ADAP2: variants seen among roughly 807,000 people sequenced by gnomAD.
ADAP2 encodes the protein ArfGAP with dual PH domains 2.
In ADAP2, 42 loss-of-function variants were observed where a neutral mutation model predicts 54.9. The observed-to-expected ratio is 0.77, with a 90% CI of 0.60 to 0.99. The LOEUF (loss-of-function observed/expected upper bound fraction) is 0.99, where lower values mean the gene tolerates loss of function less well. Ranked by LOEUF, ADAP2 falls within the 50% of genes least tolerant of loss-of-function variation. The pLI is 0.00. For synonymous variants in ADAP2, 177 were observed against 180.1 expected (o/e 0.98, Z 0.14); for missense variants, 429 against 480.4 (o/e 0.89, Z 1.00).
intron 2 of ADAP2, 33 bp from the exon 3 acceptor site, chr17:30,926,794 C>G: frequency 6.3e-7 from 1 of 1,597,626 alleles, no homozygotes; most frequent in East Asian, 2.2e-5. Flanking sequence ...TTTTCAAGTT[C>G]TAATATTACC....
chr17:30,936,055 C>T (rs950977369), intron 5 of ADAP2, among the ~76,000 whole-genome samples: 1 of 152,052 alleles, frequency 6.6e-6, no homozygotes, highest in African/African-American at 2.4e-5. Context: ...AGCTGTAATC[C>T]CCCACCCCAC....
intron 3 of ADAP2, among the ~76,000 whole-genome samples, chr17:30,929,150 G>T (rs568495735): frequency 6.6e-6 from 1 of 152,308 alleles, no homozygotes; most frequent in South Asian, 2.1e-4. Flanking sequence ...TGACCTAGCT[G>T]GGAGGACGTG....
intron 6 of ADAP2, 113 bp downstream of exon 6, chr17:30,945,166 T>C: frequency 7.9e-7 from 1 of 1,268,526 alleles, no homozygotes; most frequent in Non-Finnish European, 1.1e-6. Flanking sequence ...CTCTTGAGAT[T>C]TTCTGCTACC....
At chr17:30,949,956 T>C (rs1378007429) in intron 7 of ADAP2, among the ~76,000 whole-genome samples, 1 of 152,142 alleles carries the variant, frequency 6.6e-6, no homozygotes, top group Non-Finnish European at 1.5e-5. Context: ...GGCTCAGCAA[T>C]TGGTCATCTC....
At chr17:30,954,452 G>T (rs1904910150) in intron 8 of ADAP2, 26 bp from the exon 9 acceptor site, 3 of 1,609,510 alleles carry the variant, frequency 1.9e-6, no homozygotes, top group Non-Finnish European at 8.5e-7. Context: ...CTGGTCATCT[G>T]TGGTAAGAAG....
chr17:30,923,535 A>G (rs1598019949), intron 2 of ADAP2, among the ~76,000 whole-genome samples: 2 of 151,556 alleles, frequency 1.3e-5, no homozygotes, highest in South Asian at 4.2e-4. Context: ...AAGTGCTGGG[A>G]TTACAGGCCT....
intron 3 of ADAP2, among the ~76,000 whole-genome samples, chr17:30,928,443 T>C (rs5000000): frequency 0.11 from 16,938 of 151,396 alleles, 2,844 homozygotes; most frequent in African/African-American, 0.37. Context: ...TTGCAGAGAT[T>C]GCACCACTGC....
At chr17:30,942,306 G>T (rs1302106719) in intron 5 of ADAP2, among the ~76,000 whole-genome samples, 2 of 152,112 alleles carry the variant, frequency 1.3e-5, no homozygotes, top group African/African-American at 4.8e-5. Flanking sequence ...CCATCATATT[G>T]GCAAAAATTT....
At chr17:30,946,109 GGCGCCACTGCACTCCA>G (rs1912655233) in intron 6 of ADAP2, among the ~76,000 whole-genome samples, 1 of 148,470 alleles carries the variant, frequency 6.7e-6, no homozygotes, top group African/African-American at 2.5e-5. Context: ...GAGCCGAGAT[GGCGCCACTGCACTCCA>G]GCCTGGGTGA....
At chr17:30,950,615 C>CATGAA (rs1473890054) in intron 7 of ADAP2, among the ~76,000 whole-genome samples, 1 of 152,202 alleles carries the variant, frequency 6.6e-6, no homozygotes, top group Non-Finnish European at 1.5e-5. Flanking sequence ...TAATCTCAAC[C>CATGAA]ATTAGAGTTT....
chr17:30,953,346 C>G lies in ADAP2; in HGVS notation c.800C>G (p.Pro267Arg). ...CAAGGCTTCATGGAAAAGACTGGGC[C>G]AAAGGTACCTTCTATCACTCCCTGG... is the stretch of plus-strand genomic sequence containing the variant. ...LKQGFMEKTG[P>R]KQKEPFKKRW... is the part of the protein sequence containing the mutation. Residue 267 changes from proline to arginine, a missense_variant, in exon 8 of 11, where the codon CCA becomes CGA. Physicochemically the swap from Pro to Arg is moderately radical, Grantham distance 103 (BLOSUM62 -2). Transcript: ENST00000330889. 6.2e-7 allele frequency: 1 copy of G among 1,613,814 alleles called. No homozygotes were observed. Among genetic ancestry groups the G allele is most frequent in the South Asian group, 1.1e-5 (1 of 91,066 alleles).
At chr17:30,935,322 C>T (rs1019961431) in intron 5 of ADAP2, among the ~76,000 whole-genome samples, 5 of 151,960 alleles carry the variant, frequency 3.3e-5, no homozygotes, top group Non-Finnish European at 5.9e-5. Context: ...GAGCTGAGAT[C>T]GTGCCATTGC....
chr17:30,957,835 C>G lies in ADAP2; in HGVS notation c.1112C>G (p.Thr371Ser). ...SSPLTPLNRL[T>S]ASTESGRSSR ...TCAGCCCTCTTCATTTCCCTTGCAGCTGCATCAACAGAGAGTGGCCGCAGC... is the reference window on the plus strand; with the variant it reads ...TCAGCCCTCTTCATTTCCCTTGCAGGTGCATCAACAGAGAGTGGCCGCAGC... Residue 371 changes from threonine (T) to serine (S), a missense_variant and splice_region_variant, in exon 11 of 11, where the codon ACT (threonine) becomes AGT (serine). Coordinates refer to ENST00000330889, the MANE Select transcript of ADAP2 (RefSeq NM_018404.3). 1 of 1,613,804 alleles carries G rather than the reference C, an allele frequency of 6.2e-7. No individual in the cohort carries two copies. The highest frequency in any genetic ancestry group is 1.7e-4 in the Middle Eastern group (1 of 6,060).
intron 3 of ADAP2, 24 bp downstream of exon 3, chr17:30,926,942 C>A (rs762503813): frequency 4.4e-6 from 7 of 1,574,178 alleles, no homozygotes; most frequent in Non-Finnish European, 6.1e-6. Context: ...TCCTTAGGGA[C>A]TGGGTGAGGG....
chr17:30,945,827 C>G (rs1386383250), intron 6 of ADAP2, among the ~76,000 whole-genome samples: 1 of 145,426 alleles, frequency 6.9e-6, no homozygotes, highest in Non-Finnish European at 1.5e-5. Context: ...CACCCTGGAG[C>G]TACCAAATTA....
At chr17:30,953,605 C>T (rs995664060) in intron 8 of ADAP2, among the ~76,000 whole-genome samples, 6 of 151,116 alleles carry the variant, frequency 4.0e-5, no homozygotes, top group African/African-American at 7.3e-5. Flanking sequence ...GGTGTGATCT[C>T]GGCTCACTGC....
intron 5 of ADAP2, 134 bp from the exon 6 acceptor site, chr17:30,944,773 C>T (rs939831208): frequency 2.9e-5 from 28 of 951,536 alleles, no homozygotes; most frequent in East Asian, 1.5e-4. Context: ...ATCTGAATTT[C>T]GATATGAGAG....
chr17:30,924,770 C>T (rs1910898711), intron 2 of ADAP2, among the ~76,000 whole-genome samples: 1 of 152,056 alleles, frequency 6.6e-6, no homozygotes. Flanking sequence ...AGCTTACATT[C>T]TAGTGTGGGA....
intron 2 of ADAP2, 121 bp downstream of exon 2, chr17:30,923,191 A>G (rs1910770877): frequency 6.1e-6 from 7 of 1,138,266 alleles, no homozygotes; most frequent in Non-Finnish European, 7.7e-6. Flanking sequence ...GTCTAGCTAG[A>G]GGAAACACAG....
Sources: allele counts gnomAD v4.1 joint callset (sites outside exome capture counted in the v4.1 genomes callset), GRCh38; gene constraint gnomAD v4.1.1; transcripts MANE v1.5; gene names NCBI Gene and HGNC (gene_info 2026-07-23, HGNC 2026-07-21).